KCNMB2: variants seen among roughly 807,000 people sequenced by gnomAD.
The protein encoded by KCNMB2 is calcium-activated potassium channel subunit beta-2.
KCNMB2 carries 9 observed loss-of-function variants against 24.5 expected under a neutral mutation model. That is an observed-to-expected ratio of 0.37 (90% confidence interval 0.22 to 0.64). The LOEUF is 0.64. KCNMB2 is among the 30% of genes least tolerant of loss of function. The pLI, the probability that KCNMB2 is intolerant of heterozygous loss-of-function variation, is 0.63. For synonymous variants in KCNMB2, 109 were observed against 104.4 expected, an observed-to-expected ratio of 1.04 and a Z score of -0.27; for missense variants, 226 against 284.3, an observed-to-expected ratio of 0.79 and a Z score of 1.47.
intron 1 of KCNMB2, among the ~76,000 whole-genome samples, chr3:178,752,546 T>A (rs1723886323): frequency 6.6e-6 from 1 of 152,158 alleles, no homozygotes; most frequent in African/African-American, 2.4e-5. Flanking sequence ...TAATGACTTT[T>A]AAGAACAAGG....
intron 1 of KCNMB2, among the ~76,000 whole-genome samples, chr3:178,581,414 C>G (rs1373989214): frequency 6.6e-6 from 1 of 152,150 alleles, no homozygotes; most frequent in Non-Finnish European, 1.5e-5. Flanking sequence ...CATAAAAACC[C>G]TAGAAGAAAA....
intron 3 of KCNMB2, among the ~76,000 whole-genome samples, chr3:178,826,271 A>C (rs1714829716): frequency 6.6e-6 from 1 of 152,076 alleles, no homozygotes; most frequent in African/African-American, 2.4e-5. Flanking sequence ...TAAAAATGCT[A>C]ATACCCAGCC....
chr3:178,719,921 T>C (rs1722740485), intron 1 of KCNMB2, among the ~76,000 whole-genome samples: 1 of 152,112 alleles, frequency 6.6e-6, no homozygotes, highest in African/African-American at 2.4e-5. Context: ...TGTCCTAAAG[T>C]TTTCCCTTGT....
chr3:178,549,773 G>C (rs904136883), intron 1 of KCNMB2, among the ~76,000 whole-genome samples: 1 of 152,114 alleles, frequency 6.6e-6, no homozygotes, highest in African/African-American at 2.4e-5. Flanking sequence ...GTCCATCTGA[G>C]CATCATGCAA....
At chr3:178,793,319 G>A (rs573190570) in intron 1 of KCNMB2, among the ~76,000 whole-genome samples, 3 of 152,304 alleles carry the variant, frequency 2.0e-5, no homozygotes, top group South Asian at 4.1e-4. Context: ...TCAAGTCAGG[G>A]AAGCAGAATG....
intron 1 of KCNMB2, among the ~76,000 whole-genome samples, chr3:178,606,751 T>C (rs190072982): frequency 6.6e-6 from 1 of 152,232 alleles, no homozygotes; most frequent in Admixed American, 6.5e-5. Context: ...AAAATCCTCA[T>C]CCCTAATATG....
At chr3:178,708,675 C>T (rs1324422326) in intron 1 of KCNMB2, among the ~76,000 whole-genome samples, 1 of 152,094 alleles carries the variant, frequency 6.6e-6, no homozygotes, top group Non-Finnish European at 1.5e-5. Flanking sequence ...TATGTTGATC[C>T]CTTTACCTGC....
chr3:178,698,593 T>C (rs945941954), intron 1 of KCNMB2, among the ~76,000 whole-genome samples: 19 of 152,228 alleles, frequency 1.2e-4, no homozygotes, highest in African/African-American at 4.1e-4. Context: ...CTTTCCTATC[T>C]ATATACCGAA....
chr3:178,817,357 C>A (rs1714450621), intron 2 of KCNMB2, among the ~76,000 whole-genome samples: 1 of 151,860 alleles, frequency 6.6e-6, no homozygotes, highest in Non-Finnish European at 1.5e-5. Context: ...TATATACCTA[C>A]CAGCTCAAGG....
intron 1 of KCNMB2, among the ~76,000 whole-genome samples, chr3:178,699,682 A>C (rs564105893): frequency 6.6e-6 from 1 of 152,340 alleles, no homozygotes; most frequent in East Asian, 1.9e-4. Context: ...CACCCTGCGG[A>C]GATCAGAACT....
intron 1 of KCNMB2, among the ~76,000 whole-genome samples, chr3:178,587,584 C>T (rs1487962346): frequency 6.7e-6 from 1 of 148,784 alleles, no homozygotes. Flanking sequence ...CCGCCACACC[C>T]GGCTAATTTT....
chr3:178,692,501 A>C (rs1021502832), intron 1 of KCNMB2, among the ~76,000 whole-genome samples: 3 of 152,196 alleles, frequency 2.0e-5, no homozygotes, highest in African/African-American at 7.2e-5. Flanking sequence ...TGAACAGGGA[A>C]TCCTTTCCCC....
At chr3:178,568,817 A>G (rs9844237) in intron 1 of KCNMB2, among the ~76,000 whole-genome samples, 1,276 of 49,322 alleles carry the variant, frequency 0.026, 19 homozygotes, top group African/African-American at 0.094. Context: ...ATAGATAGAT[A>G]ATAGATAGAT....
intron 1 of KCNMB2, among the ~76,000 whole-genome samples, chr3:178,783,989 T>G (rs77733773): frequency 0.14 from 21,628 of 152,094 alleles, 1,857 homozygotes; most frequent in Admixed American, 0.18. Context: ...TTTATTGAGA[T>G]TTTTTAGCAT....
At chr3:178,666,269 T>C (rs996828734) in intron 1 of KCNMB2, among the ~76,000 whole-genome samples, 11 of 152,122 alleles carry the variant, frequency 7.2e-5, no homozygotes, top group Non-Finnish European at 1.3e-4. Context: ...GACAATGCAA[T>C]AGAAATACTG....
chr3:178,662,413 C>T (rs1475594019), intron 1 of KCNMB2, among the ~76,000 whole-genome samples: 1 of 151,912 alleles, frequency 6.6e-6, no homozygotes, highest in Non-Finnish European at 1.5e-5. Context: ...ACATAAAATG[C>T]AAGATAAATA....
At chr3:178,778,582 C>T (rs1336943234) in intron 1 of KCNMB2, among the ~76,000 whole-genome samples, 1 of 152,064 alleles carries the variant, frequency 6.6e-6, no homozygotes, top group African/African-American at 2.4e-5. Flanking sequence ...GTGTACCATT[C>T]TCTATGGTCC....
intron 1 of KCNMB2, among the ~76,000 whole-genome samples, chr3:178,697,848 CCTT>C (rs1035208119): frequency 6.6e-6 from 1 of 152,144 alleles, no homozygotes; most frequent in African/African-American, 2.4e-5. Context: ...TCTTATTTCT[CCTT>C]CTCTTATGAA....
intron 1 of KCNMB2, among the ~76,000 whole-genome samples, chr3:178,687,756 AT>A (rs1470934836): frequency 5.9e-5 from 9 of 152,170 alleles, no homozygotes; most frequent in Non-Finnish European, 1.2e-4. Flanking sequence ...TACTTTCATT[AT>A]TTTTTTTCTT....
Sources: allele counts gnomAD v4.1 joint callset (sites outside exome capture counted in the v4.1 genomes callset), GRCh38; gene constraint gnomAD v4.1.1; transcripts MANE v1.5; gene names NCBI Gene and HGNC (gene_info 2026-07-23, HGNC 2026-07-21).